GRXCR1: variants seen among roughly 807,000 people sequenced by gnomAD.
GRXCR1 encodes the protein glutaredoxin and cysteine rich domain containing 1.
In GRXCR1, 27 loss-of-function variants were observed where a neutral mutation model predicts 27.3. That is an observed-to-expected ratio of 0.99 (90% confidence interval 0.73 to 1.37). GRXCR1 has a LOEUF of 1.37. Among genes scored for constraint, GRXCR1 ranks in the 40% most tolerant of loss-of-function variants. The pLI, the probability that GRXCR1 is intolerant of heterozygous loss-of-function variation, is 0.00. For synonymous variants in GRXCR1, 122 were observed against 131.1 expected, an observed-to-expected ratio of 0.93 and a Z score of 0.47; for missense variants, 379 against 354.4, an observed-to-expected ratio of 1.07 and a Z score of -0.56.
At chr4:42,949,209 CA>C (rs1180461913) in intron 1 of GRXCR1, among the ~76,000 whole-genome samples, 3 of 149,184 alleles carry the variant, frequency 2.0e-5, no homozygotes, top group South Asian at 2.1e-4. Flanking sequence ...CACACACACA[CA>C]AAAAAAAAGC....
At chr4:43,008,882 A>C (rs749485904) in intron 2 of GRXCR1, among the ~76,000 whole-genome samples, 1 of 152,248 alleles carries the variant, frequency 6.6e-6, no homozygotes. Context: ...TGCAGTGAAG[A>C]TTAAATAAAT....
intron 2 of GRXCR1, among the ~76,000 whole-genome samples, chr4:43,006,561 G>C (rs1712565039): frequency 6.6e-6 from 1 of 152,226 alleles, no homozygotes; most frequent in South Asian, 2.1e-4. Context: ...ATTAGGAAGA[G>C]GAAATTCCCA....
At chr4:42,937,966 A>G (rs1337744046) in intron 1 of GRXCR1, among the ~76,000 whole-genome samples, 1 of 151,970 alleles carries the variant, frequency 6.6e-6, no homozygotes, top group African/African-American at 2.4e-5. Context: ...ATGTACAACA[A>G]ATTATTGCTG....
chr4:43,002,229 G>C (rs1006474169), intron 2 of GRXCR1, among the ~76,000 whole-genome samples: 12 of 152,266 alleles, frequency 7.9e-5, no homozygotes, highest in Non-Finnish European at 1.5e-4. Context: ...TCGGGCTGGG[G>C]GACAGTCAGG....
At chr4:42,997,046 AT>A (rs1560681000) in intron 2 of GRXCR1, among the ~76,000 whole-genome samples, 1 of 152,058 alleles carries the variant, frequency 6.6e-6, no homozygotes, top group Non-Finnish European at 1.5e-5. Flanking sequence ...GTTGGTAGCC[AT>A]TTTGACAATT....
At chr4:42,905,450 C>T (rs1054312634) in intron 1 of GRXCR1, among the ~76,000 whole-genome samples, 6 of 152,202 alleles carry the variant, frequency 3.9e-5, no homozygotes, top group Non-Finnish European at 7.3e-5. Flanking sequence ...CTGCTATGAG[C>T]CACACGGTGG....
At chr4:42,918,254 C>T (rs1462167715) in intron 1 of GRXCR1, among the ~76,000 whole-genome samples, 2 of 152,036 alleles carry the variant, frequency 1.3e-5, no homozygotes, top group East Asian at 1.9e-4. Context: ...TCCTGAAAGC[C>T]ATTTTTACTT....
At chr4:43,016,020 T>C (rs1712921643) in intron 2 of GRXCR1, among the ~76,000 whole-genome samples, 4 of 152,202 alleles carry the variant, frequency 2.6e-5, no homozygotes, top group Admixed American at 2.6e-4. Flanking sequence ...CTTAAATGTT[T>C]GATTGTTTTC....
chr4:42,955,005 A>G (rs1352641095), intron 1 of GRXCR1, among the ~76,000 whole-genome samples: 3 of 152,152 alleles, frequency 2.0e-5, no homozygotes, highest in African/African-American at 4.8e-5. Context: ...ACAGAATATC[A>G]TGGAGAGGGA....
chr4:42,984,050 G>A (rs1238387119), intron 2 of GRXCR1, among the ~76,000 whole-genome samples: 1 of 151,952 alleles, frequency 6.6e-6, no homozygotes, highest in Non-Finnish European at 1.5e-5. Context: ...TGGCCAGGCT[G>A]GTCTCGAACT....
At chr4:43,020,524 A>T in intron 3 of GRXCR1, 105 bp downstream of exon 3, 2 of 766,424 alleles carry the variant, frequency 2.6e-6, no homozygotes, top group Non-Finnish European at 4.7e-6. Flanking sequence ...TGTTCTTACA[A>T]ATATGCAATA....
At chr4:42,894,126 T>A (rs550517801) in intron 1 of GRXCR1, among the ~76,000 whole-genome samples, 1 of 152,234 alleles carries the variant, frequency 6.6e-6, no homozygotes, top group African/African-American at 2.4e-5. Flanking sequence ...AAGACTAACT[T>A]CGACTTCCTC....
intron 2 of GRXCR1, among the ~76,000 whole-genome samples, chr4:43,002,569 T>TGAA (rs1458361607): frequency 6.6e-6 from 1 of 152,206 alleles, no homozygotes; most frequent in African/African-American, 2.4e-5. Context: ...AGCAATTGTT[T>TGAA]AAAGTACAGG....
At chr4:42,896,452 G>T (rs542498743) in intron 1 of GRXCR1, among the ~76,000 whole-genome samples, 1 of 152,174 alleles carries the variant, frequency 6.6e-6, no homozygotes, top group Non-Finnish European at 1.5e-5. Context: ...AGGCCACCTG[G>T]CTGCTCAGGT....
chr4:43,019,252 T>A (rs1398045462), intron 2 of GRXCR1, among the ~76,000 whole-genome samples: 2 of 152,218 alleles, frequency 1.3e-5, no homozygotes, highest in Non-Finnish European at 2.9e-5. Context: ...TATTTTTCAT[T>A]CTACCCTGTG....
intron 1 of GRXCR1, among the ~76,000 whole-genome samples, chr4:42,914,771 G>C (rs1166884532): frequency 6.6e-6 from 1 of 152,130 alleles, no homozygotes; most frequent in Non-Finnish European, 1.5e-5. Flanking sequence ...TGCTTTGGCA[G>C]CATATATAAT....
chr4:42,910,533 G>C (rs1047537115), intron 1 of GRXCR1, among the ~76,000 whole-genome samples: 1 of 152,100 alleles, frequency 6.6e-6, no homozygotes, highest in Non-Finnish European at 1.5e-5. Context: ...GGAGGAGTCA[G>C]AAAAAGCACA....
intron 2 of GRXCR1, among the ~76,000 whole-genome samples, chr4:42,991,817 C>T (rs1429633453): frequency 1.3e-5 from 2 of 152,122 alleles, no homozygotes; most frequent in Non-Finnish European, 2.9e-5. Context: ...CCAGAAGAAT[C>T]AATTTTCAAT....
intron 1 of GRXCR1, among the ~76,000 whole-genome samples, chr4:42,921,529 C>A (rs1281701037): frequency 6.6e-6 from 1 of 151,990 alleles, no homozygotes; most frequent in African/African-American, 2.4e-5. Flanking sequence ...AATTCATGGG[C>A]AGAGTATGGG....
Sources: allele counts gnomAD v4.1 joint callset (sites outside exome capture counted in the v4.1 genomes callset), GRCh38; gene constraint gnomAD v4.1.1; transcripts MANE v1.5; gene names NCBI Gene and HGNC (gene_info 2026-07-23, HGNC 2026-07-21).